Variants in EPHB1 observed in about 807,000 individuals in gnomAD.
EPHB1 encodes the protein ephrin type-B receptor 1.
EPHB1 carries 30 observed loss-of-function variants against 94.4 expected under a neutral mutation model. That is an observed-to-expected ratio of 0.32 (90% CI 0.24 to 0.43). The LOEUF is 0.43. EPHB1 is among the 20% of genes least tolerant of loss of function. EPHB1 has a pLI of 1.00. For synonymous variants in EPHB1, 522 were observed against 489.1 expected, an observed-to-expected ratio of 1.07 and a Z score of -0.89; for missense variants, 1,055 against 1,308.3, an observed-to-expected ratio of 0.81 and a Z score of 2.99.
Position 134,882,719 on chromosome 3 carries a change from CCTT to C in EPHB1, c.59-43090_59-43088del, listed in dbSNP as rs1321497914. Among the ~76,000 whole-genome samples the C allele has an allele frequency of 2.4e-4, 35 of 146,990 alleles. 1 individual carries two copies. The highest frequency in any genetic ancestry group is 6.9e-4 in the African/African-American group (28 of 40,298). On this transcript the variant is annotated intron_variant, in intron 1 of 15. Coordinates refer to ENST00000398015, the MANE Select transcript of EPHB1 (RefSeq NM_004441.5). Reference sequence around the variant, plus strand: ...TCCTTCTTTCCTTCCTTCCTTCTTTCCTTCTTCTTTCCTTCTTTCCTTCTTTCT... The same window carrying C: ...TCCTTCTTTCCTTCCTTCCTTCTTTCCTTCTTTCCTTCTTTCCTTCTTTCT...
chr3:135,099,306 TGGATGGATGGATGGAC>T (rs913709578), intron 3 of EPHB1, among the ~76,000 whole-genome samples: 8 of 111,014 alleles, frequency 7.2e-5, no homozygotes, highest in Admixed American at 5.4e-4. Flanking sequence ...ATTGGATGGA[TGGATGGATGGATGGAC>T]GGATGGATGG....
At chr3:135,236,328 A>G (rs1406835599) in intron 12 of EPHB1, among the ~76,000 whole-genome samples, 1 of 152,042 alleles carries the variant, frequency 6.6e-6, no homozygotes, top group African/African-American at 2.4e-5. Flanking sequence ...CGGCCTTCTT[A>G]TAAGGATGCC....
At chr3:134,869,800 A>C (rs571906562) in intron 1 of EPHB1, among the ~76,000 whole-genome samples, 4 of 152,338 alleles carry the variant, frequency 2.6e-5, no homozygotes, top group Non-Finnish European at 5.9e-5. Flanking sequence ...TCAATTTATT[A>C]TCATAGAAGC....
In EPHB1 at chr3:134,972,626, C is replaced by A. The variant is rs143073297; in HGVS notation, c.805+20574C>A. Among the ~76,000 whole-genome samples the A allele has an allele frequency of 4.3e-3, 634 of 148,628 alleles. 3 individuals are homozygous for A. The highest frequency in any genetic ancestry group is 0.015 in the African/African-American group (600 of 40,516). ...GTCAAAACAGGGTTACAAAAATTGC[C>A]GTAATATTTGCATTCAACAAACAAG... On this transcript the variant is annotated intron_variant, in intron 3 of 15. Transcript: ENST00000398015.
chr3:135,166,862 C>A (rs116831432), intron 8 of EPHB1, 80 bp from the exon 9 acceptor site: 17,549 of 1,493,130 alleles, frequency 0.012, 162 homozygotes, highest in Middle Eastern at 0.028. Flanking sequence ...CCCTATCTGG[C>A]CTGGGGCCTA....
chr3:135,084,763 C>T (rs1333250317), intron 3 of EPHB1, among the ~76,000 whole-genome samples: 1 of 152,146 alleles, frequency 6.6e-6, no homozygotes, highest in Non-Finnish European at 1.5e-5. Flanking sequence ...TGTACACTTG[C>T]AGTTGTTTTT....
chr3:135,248,045 C>T (rs771816742), intron 13 of EPHB1, among the ~76,000 whole-genome samples: 8 of 152,194 alleles, frequency 5.3e-5, no homozygotes, highest in Non-Finnish European at 8.8e-5. Flanking sequence ...CTTCAACAAA[C>T]ATTTACAGAG....
In EPHB1 at chr3:135,023,005, A is replaced by C. The variant is rs151303073; in HGVS notation, c.805+70953A>C. ...ATGTCTGGCCACAATCATTTTCTGC[A>C]AAATTCAGTAGATATTGTCCAACGT... is the stretch of plus-strand genomic sequence containing the variant. On this transcript the variant is annotated intron_variant, in intron 3 of 15. Transcript: ENST00000398015. Among the ~76,000 whole-genome samples, 13 of 152,364 alleles carry C rather than the reference A, an allele frequency of 8.5e-5. No individual in the cohort carries two copies. In the East Asian group the frequency reaches 2.3e-3, roughly 27 times the overall value.
chr3:134,795,636 C>T lies in EPHB1; in HGVS notation c.5C>T (p.Ala2Val), dbSNP rs748387780. ...CCTGCGGGCCGTCGGCCGGCGATGG[C>T]CCTGGATTATCTACTACTGCTCCTC... is the stretch of plus-strand genomic sequence containing the variant. M[A>V]LDYLLLLLLA... The change falls in exon 1 of 16, where the codon GCC becomes GTC. Residue 2 changes from alanine to valine, a missense_variant. Ala to Val is a moderately conservative substitution (Grantham distance 64, BLOSUM62 0). Coordinates refer to ENST00000398015, the MANE Select transcript of EPHB1 (RefSeq NM_004441.5). The T allele has an allele frequency of 2.5e-6, 4 of 1,606,550 alleles. No individual in the cohort carries two copies. The highest frequency in any genetic ancestry group is 1.7e-5 in the Admixed American group (1 of 59,658).
chr3:134,961,592 C>T (rs1166292505), intron 3 of EPHB1, among the ~76,000 whole-genome samples: 2 of 152,218 alleles, frequency 1.3e-5, no homozygotes, highest in East Asian at 1.9e-4. Flanking sequence ...CTAATATTCT[C>T]TTGCAGAGAG....
chr3:134,901,058 TAA>T (rs561649903), intron 1 of EPHB1, among the ~76,000 whole-genome samples: 1 of 150,396 alleles, frequency 6.6e-6, no homozygotes, highest in Non-Finnish European at 1.5e-5. Context: ...AACTTCTTTT[TAA>T]AAAAAAAACT....
chr3:135,083,612 G>C (rs1184498709), intron 3 of EPHB1, among the ~76,000 whole-genome samples: 1 of 151,948 alleles, frequency 6.6e-6, no homozygotes, highest in African/African-American at 2.4e-5. Context: ...GGAGTGTATG[G>C]AGGGGGGATT....
rs2107687417 is a variant in EPHB1 at position 135,132,911 on chromosome 3, A to C, written c.1159A>C (p.Thr387Pro). ...VEFVPRQLGL[T>P]ECRVSISSLW... The stretch of plus-strand genomic sequence containing the variant: ...GTTTGTGCCCAGGCAGCTGGGCCTG[A>C]CGGAGTGCCGCGTCTCCATCAGCAG... The change falls in exon 5 of 16, where the codon ACG becomes CCG. Residue 387 changes from threonine to proline, a missense_variant. By Grantham distance (38) the Thr-to-Pro change is conservative (BLOSUM62 -1). Coordinates refer to ENST00000398015, the MANE Select transcript of EPHB1 (RefSeq NM_004441.5). 6.2e-7 allele frequency: 1 copy of C among 1,614,032 alleles called. No homozygotes were observed. The highest frequency in any genetic ancestry group is 8.5e-7 in the Non-Finnish European group (1 of 1,179,890).
At position 134,951,273 on chromosome 3, in the gene EPHB1, C is replaced by A; in HGVS notation, c.124-98C>A. The A allele has an allele frequency of 8.8e-7, 1 of 1,135,060 alleles. No homozygotes were observed. The highest frequency in any genetic ancestry group is 3.0e-5 in the Admixed American group (1 of 33,664). The allele number at this position is 1,135,060 out of a possible 1,614,324, so 70.3% of individuals were successfully genotyped here. A position where few individuals can be genotyped will look rare whatever the true frequency, so the allele number is the denominator to read the frequency against. ...GCTGGACTGGTGAGCTCTTAAGGCC[C>A]CTTAGCCCCAGGATTCTCCTCTGCT... On this transcript the variant is annotated intron_variant, in intron 2 of 15. Coordinates refer to ENST00000398015, the MANE Select transcript of EPHB1 (RefSeq NM_004441.5). This position sits in a 1 kb window ranked among gnomAD's most constrained non-coding sequence, Gnocchi z 4.5.
intron 13 of EPHB1, 86 bp downstream of exon 13, chr3:135,241,383 C>T (rs889555561): frequency 3.3e-6 from 5 of 1,530,096 alleles, no homozygotes; most frequent in Admixed American, 3.4e-5. Flanking sequence ...CTGTTTTCAG[C>T]TCACGGCCTC....
chr3:135,157,947 A>G (rs1180061149), intron 6 of EPHB1, among the ~76,000 whole-genome samples: 2 of 152,228 alleles, frequency 1.3e-5, no homozygotes, highest in African/African-American at 4.8e-5. Context: ...CCATAACAGC[A>G]CAGGTCATTG....
chr3:134,883,064 C>T (rs568371629), intron 1 of EPHB1, among the ~76,000 whole-genome samples: 39 of 152,060 alleles, frequency 2.6e-4, no homozygotes, highest in Non-Finnish European at 3.4e-4. Context: ...CCTTGTGATC[C>T]GCCTGTCTTG....
At chr3:134,992,310 C>T (rs1934835875) in intron 3 of EPHB1, among the ~76,000 whole-genome samples, 1 of 152,120 alleles carries the variant, frequency 6.6e-6, no homozygotes, top group South Asian at 2.1e-4. Flanking sequence ...AGGAGTCTCT[C>T]ATTTCAAGCC....
chr3:135,201,806 C>T (rs1327257641), intron 12 of EPHB1, 117 bp downstream of exon 12: 1 of 971,438 alleles, frequency 1.0e-6, no homozygotes, highest in Non-Finnish European at 1.5e-6. Context: ...CTGAGCTCTC[C>T]ACTGAAAGAC....
Sources: gnomAD v4.1 joint callset for allele counts (sites outside exome capture counted in the v4.1 genomes callset) on GRCh38, gnomAD v4.1.1 for gene constraint, Gnocchi (gnomAD v3.1) non-coding constraint, MANE v1.5 for transcripts, NCBI Gene and HGNC (gene_info 2026-07-23, HGNC 2026-07-21) for gene names.